The following RTEL1 variants were observed in gnomAD, a reference collection of about 807,000 sequenced individuals.
RTEL1 encodes regulator of telomere elongation helicase 1, also known as regulator of telomere length.
RTEL1 carries 86 observed loss-of-function variants against 162.2 expected under a neutral mutation model. The observed-to-expected ratio is 0.53, with a 90% confidence interval of 0.45 to 0.63. RTEL1 has a LOEUF of 0.63. RTEL1 is among the 30% of genes least tolerant of loss of function. The pLI is 0.00. For missense variants in RTEL1, 1,941 were observed against 1,750.2 expected (o/e 1.11, Z -1.95); for synonymous variants, 958 against 717.9 (o/e 1.33, Z -5.35).
Position 63,692,514 on chromosome 20 carries a change from C to T in RTEL1, c.2653-291C>T, listed in dbSNP as rs142331864. 315 of 490,566 alleles carry T rather than the reference C, an allele frequency of 6.4e-4. 1 individual carries two copies. The highest frequency in any genetic ancestry group is 2.3e-3 in the African/African-American group (118 of 51,942). The allele number at this position is 490,566 out of a possible 1,614,324, so 30.4% of individuals were successfully genotyped here. Reference sequence around the variant, plus strand: ...GGGGCTTGAGGGAGGAGGAGAGAGACGGGCCATGCAGGACCCCTGGCTTGA... The same window carrying T: ...GGGGCTTGAGGGAGGAGGAGAGAGATGGGCCATGCAGGACCCCTGGCTTGA... On this transcript the variant is annotated intron_variant, in intron 28 of 34. Transcript: ENST00000360203.
In RTEL1 at chr20:63,695,766, G is replaced by C. The variant is rs758193076; in HGVS notation, c.3823-12G>C. 1.6e-5 allele frequency: 26 copies of C among 1,588,802 alleles called. No individual in the cohort carries two copies. In the African/African-American group the frequency reaches 2.1e-4, roughly 13 times the overall value. On this transcript the variant is annotated splice_polypyrimidine_tract_variant and intron_variant, in intron 34 of 34. Coordinates refer to ENST00000360203, the MANE Select transcript of RTEL1 (RefSeq NM_001283009.2). Reference sequence around the variant, plus strand: ...CCTGGCAGACGTGTGCAGTGGGCCGGTTGTCTCACAGGCCTCTAGGATGTG... The same window carrying C: ...CCTGGCAGACGTGTGCAGTGGGCCGCTTGTCTCACAGGCCTCTAGGATGTG...
chr20:63,682,236 A>G (rs1049638518), intron 14 of RTEL1: 2 of 985,300 alleles, frequency 2.0e-6, no homozygotes, highest in African/African-American at 1.7e-5. Flanking sequence ...GCTTCCAGCT[A>G]TGGAGAAGAC....
At position 63,693,129 on chromosome 20, in the gene RTEL1, C is replaced by A. The variant is rs777244093; in HGVS notation, c.2852-14C>A. The A allele has an allele frequency of 1.9e-6, 3 of 1,612,098 alleles. No individual in the cohort carries two copies. Among genetic ancestry groups the A allele is most frequent in the Non-Finnish European group, 1.7e-6 (2 of 1,179,602 alleles). On this transcript the variant is annotated splice_polypyrimidine_tract_variant and intron_variant, in intron 29 of 34. Coordinates refer to ENST00000360203, the MANE Select transcript of RTEL1 (RefSeq NM_001283009.2). ...AAAAGGGGCAGATGGGGACAGACGC[C>A]CCTTCCTCTACAGGCTTCTACCAGT...
At chr20:63,685,973 C>G in intron 16 of RTEL1, 101 bp downstream of exon 16, 1 of 1,151,290 alleles carries the variant, frequency 8.7e-7, no homozygotes, top group South Asian at 1.3e-5. Flanking sequence ...TCTCCTGCCC[C>G]CATGGGCCTG....
In RTEL1 at chr20:63,661,231, CAG is replaced by C; in HGVS notation, c.103-66_103-65del. 7 of 1,471,220 alleles carry C rather than the reference CAG, an allele frequency of 4.8e-6. No homozygotes were observed. The highest frequency in any genetic ancestry group is 4.6e-5 in the South Asian group (4 of 86,116). The allele number at this position is 1,471,220 out of a possible 1,614,324, so 91.1% of individuals were successfully genotyped here. ...GCCCGCTGGCTGCCGAAGCTTGTCT[CAG>C]GGCAGCTTGTGTGGCCTCGCCTCTT... On this transcript the variant is annotated intron_variant, in intron 2 of 34. Coordinates refer to ENST00000360203, the MANE Select transcript of RTEL1 (RefSeq NM_001283009.2). This position sits in a 1 kb window ranked among gnomAD's most constrained non-coding sequence, Gnocchi z 5.1.
chr20:63,678,219 TGGGGCCTCCTCCTTGCGAGGAGGTG>T, intron 11 of RTEL1, 24 bp from the exon 12 acceptor site: 3 of 1,613,166 alleles, frequency 1.9e-6, no homozygotes, highest in Non-Finnish European at 2.5e-6. Flanking sequence ...TGCAGCTGGG[TGGGGCCTCCTCCTTGCGAGGAGGTG>T]GGTGACACCT....
Position 63,667,457 on chromosome 20 carries a change from T to G in RTEL1, c.615-12T>G. 1 of 1,609,816 alleles carries G rather than the reference T, an allele frequency of 6.2e-7. No homozygotes were observed. The highest frequency in any genetic ancestry group is 8.5e-7 in the Non-Finnish European group (1 of 1,176,286). ...GGGGTGCTCACAGGATCTTCTCCTC[T>G]CTCCTTCCCAGGGTGTGCCCTTACT... is the stretch of plus-strand genomic sequence containing the variant. On this transcript the variant is annotated splice_polypyrimidine_tract_variant and intron_variant, in intron 7 of 34. Coordinates refer to ENST00000360203, the MANE Select transcript of RTEL1 (RefSeq NM_001283009.2).
chr20:63,694,376 A>C lies in RTEL1; in HGVS notation c.2997A>C (p.Arg999Ser). The change falls in exon 31 of 35, where the codon AGA becomes AGC. Residue 999 changes from arginine to serine, a missense_variant. Transcript: ENST00000360203. Reference sequence around the variant, plus strand: ...GGCTCTACATCTCTTCATCAGGAAGAACGGCGCCGGATCCCAAGCTGACCG... The same window carrying C: ...GGCTCTACATCTCTTCATCAGGAAGCACGGCGCCGGATCCCAAGCTGACCG... The part of the protein sequence containing the change: ...RAQPVLDPTG[R>S]TAPDPKLTVS... The C allele has an allele frequency of 6.2e-7, 1 of 1,611,208 alleles. No individual in the cohort carries two copies. The highest frequency in any genetic ancestry group is 8.5e-7 in the Non-Finnish European group (1 of 1,179,052).
intron 6 of RTEL1, 35 bp from the exon 7 acceptor site, chr20:63,665,969 G>A: frequency 6.2e-7 from 1 of 1,605,172 alleles, no homozygotes; most frequent in African/African-American, 1.3e-5. Context: ...AGTGGACCCT[G>A]AGGGTGTGTG....
At position 63,688,527 on chromosome 20, in the gene RTEL1, G is replaced by A; in HGVS notation, c.1723-1G>A. ...CGTGTCCCTGCCTCTTCCTCCCACA[G>A]GCCCGCGACTTGGCCAGGAAGATGG... On this transcript the variant is annotated splice_acceptor_variant, in intron 20 of 34. Transcript: ENST00000360203. LOFTEE classifies it high-confidence loss of function. 6.2e-7 allele frequency: 1 copy of A among 1,610,320 alleles called. No homozygotes were observed. The highest frequency in any genetic ancestry group is 8.5e-7 in the Non-Finnish European group (1 of 1,179,436).
intron 30 of RTEL1, 110 bp from the exon 31 acceptor site, chr20:63,694,262 C>G (rs1601193450): frequency 3.2e-6 from 3 of 942,248 alleles, no homozygotes; most frequent in South Asian, 1.4e-5. Flanking sequence ...TTTTCCCGCC[C>G]TGGTCTGAGG....
chr20:63,690,500 C>T (rs545397843), intron 26 of RTEL1, 59 bp downstream of exon 26: 37 of 639,264 alleles, frequency 5.8e-5, no homozygotes, highest in Non-Finnish European at 7.4e-5. Context: ...CGGCGTGGGG[C>T]GGGCAGCACC....
chr20:63,693,324 G>A (rs1473877485), intron 30 of RTEL1, 41 bp downstream of exon 30: 1 of 1,607,974 alleles, frequency 6.2e-7, no homozygotes, highest in Non-Finnish European at 8.5e-7. Flanking sequence ...CTCCTGCGTG[G>A]AAGGCAGTGT....
rs549397879 is a variant in RTEL1, at chr20:63,672,560, G to A, written c.704G>A (p.Arg235His). The stretch of plus-strand genomic sequence containing the variant: ...TCCCTTCTCTTCCTCCTGTAGAGCC[G>A]CAGAGCACACAACATTGACCTGAAG... ...PYNYLLDAKSRRAHNIDLKGT... is the reference protein window; with the variant it reads ...PYNYLLDAKSHRAHNIDLKGT... The change falls in exon 9 of 35, where the codon CGC becomes CAC. Residue 235 changes from arginine (R) to histidine (H), a missense_variant. Arg to His is a conservative substitution (Grantham distance 29). Coordinates refer to ENST00000360203, the MANE Select transcript of RTEL1 (RefSeq NM_001283009.2). 6 of 1,579,256 alleles carry A rather than the reference G, an allele frequency of 3.8e-6. No homozygotes were observed. Among genetic ancestry groups the A allele is most frequent in the East Asian group, 2.3e-5 (1 of 43,818 alleles).
intron 24 of RTEL1, 58 bp downstream of exon 24, chr20:63,689,923 C>A: frequency 6.4e-7 from 1 of 1,556,068 alleles, no homozygotes; most frequent in Non-Finnish European, 8.7e-7. Flanking sequence ...CCCCACTGGG[C>A]CCCTGGACTC....
chr20:63,681,060 C>T (rs762047933), intron 14 of RTEL1: 41 of 985,418 alleles, frequency 4.2e-5, no homozygotes, highest in East Asian at 1.1e-4. Context: ...CCCAGCTGCA[C>T]GCAGATGAAG....
intron 31 of RTEL1, 95 bp downstream of exon 31, chr20:63,694,583 G>A: frequency 1.6e-6 from 2 of 1,260,726 alleles, no homozygotes; most frequent in Non-Finnish European, 2.2e-6. Flanking sequence ...GGCTGCCCCT[G>A]TGGGGAGCCA....
chr20:63,693,573 ACCTCCACCACCACCACCT>A (rs2145460142), intron 30 of RTEL1, among the ~76,000 whole-genome samples: 4 of 95,948 alleles, frequency 4.2e-5, no homozygotes, highest in South Asian at 3.6e-4. Flanking sequence ...CACCACCTCC[ACCTCCACCACCACCACCT>A]CCACCTCCAC....
At position 63,693,252 on chromosome 20, in the gene RTEL1, G is replaced by A. The variant is rs765696960; in HGVS notation, c.2961G>A (p.Arg987=). 17 of 1,611,838 alleles carry A rather than the reference G, an allele frequency of 1.1e-5. No individual in the cohort carries two copies. The highest frequency in any genetic ancestry group is 5.0e-5 in the Admixed American group (3 of 59,948). Residue 987 remains arginine, a synonymous_variant, in exon 30 of 35, where the codon AGG becomes AGA. Transcript: ENST00000360203. ...GYRPEHSIPR[R]QRAQPVLDPT... Reference sequence around the variant, plus strand: ...GGCCTGAGCACAGCATTCCCCGAAGGCAGCGGGCACAGCCGGTCCTGGACC... The same window carrying A: ...GGCCTGAGCACAGCATTCCCCGAAGACAGCGGGCACAGCCGGTCCTGGACC...
Sources: gnomAD v4.1 joint callset for allele counts (sites outside exome capture counted in the v4.1 genomes callset) on GRCh38, gnomAD v4.1.1 for gene constraint, Gnocchi (gnomAD v3.1) non-coding constraint, MANE v1.5 for transcripts, NCBI Gene and HGNC (gene_info 2026-07-23, HGNC 2026-07-21) for gene names.